NCKAP5: variants seen among roughly 807,000 people sequenced by gnomAD.
NCKAP5 encodes NCK associated protein 5, also known as nck-associated protein 5.
In NCKAP5, 92 loss-of-function variants were observed where a neutral mutation model predicts 167.0. That is an observed-to-expected ratio of 0.55 (90% confidence interval 0.47 to 0.66). The LOEUF (loss-of-function observed/expected upper bound fraction) is 0.66, where lower values mean the gene tolerates loss of function less well. NCKAP5 is among the 30% of genes least tolerant of loss of function. The pLI is 0.00. For missense variants in NCKAP5, 2,378 were observed against 2,315.0 expected, an observed-to-expected ratio of 1.03 and a Z score of -0.56; for synonymous variants, 891 against 877.4, an observed-to-expected ratio of 1.02 and a Z score of -0.27.
chr2:133,221,033 T>C (rs1462968575), intron 4 of NCKAP5, among the ~76,000 whole-genome samples: 1 of 150,500 alleles, frequency 6.6e-6, no homozygotes, highest in Non-Finnish European at 1.5e-5. Context: ...AAATACCCTA[T>C]ATATGCAACG....
intron 19 of NCKAP5, among the ~76,000 whole-genome samples, chr2:132,708,424 G>T (rs1180501874): frequency 6.6e-6 from 1 of 152,172 alleles, no homozygotes; most frequent in East Asian, 1.9e-4. Flanking sequence ...GGCAGTACTT[G>T]TCATGGGCCT....
intron 8 of NCKAP5, among the ~76,000 whole-genome samples, chr2:132,941,225 G>A (rs16843948): frequency 0.017 from 2,517 of 152,196 alleles, 89 homozygotes; most frequent in East Asian, 0.16. Flanking sequence ...ATGTATTCAG[G>A]GAAAGAAACA....
chr2:132,923,769 T>G (rs1295538788), intron 8 of NCKAP5, among the ~76,000 whole-genome samples: 4 of 152,146 alleles, frequency 2.6e-5, no homozygotes. Context: ...TAACTCTTAT[T>G]TGGTAGAAAA....
At chr2:132,980,997 G>A (rs1440389052) in intron 7 of NCKAP5, among the ~76,000 whole-genome samples, 5 of 152,136 alleles carry the variant, frequency 3.3e-5, no homozygotes, top group Admixed American at 3.3e-4. Context: ...CAAGGGATAG[G>A]CTTGGCCTTA....
At position 132,949,598 on chromosome 2, in the gene NCKAP5, C is replaced by G. The variant is rs550316396; in HGVS notation, c.579+14122G>C. On this transcript the variant is annotated intron_variant, in intron 8 of 19. Coordinates refer to ENST00000409261, the MANE Select transcript of NCKAP5 (RefSeq NM_207363.3). Reference sequence around the variant, plus strand: ...TGAAGCCCCCTCAGGGCATGGCATCCCCCTCCTTCTGAAACCTGTGAGAAT... The same window carrying G: ...TGAAGCCCCCTCAGGGCATGGCATCGCCCTCCTTCTGAAACCTGTGAGAAT... 3.9e-5 allele frequency among the ~76,000 whole-genome samples: 6 copies of G among 152,274 alleles called. No homozygotes were observed. In the East Asian group the frequency reaches 9.7e-4, roughly 25 times the overall value.
chr2:132,928,687 T>C, intron 8 of NCKAP5, among the ~76,000 whole-genome samples: 1 of 152,190 alleles, frequency 6.6e-6, no homozygotes, highest in East Asian at 1.9e-4. Context: ...ATACACGAAT[T>C]TGAACATAAC....
At chr2:133,615,652 A>C in the NCKAP5 span, among the ~76,000 whole-genome samples, 2 of 152,194 alleles carry the variant, frequency 1.3e-5, no homozygotes, top group African/African-American at 4.8e-5. Flanking sequence ...TTCATAAAGC[A>C]ATTCCTGAGT....
At chr2:132,744,347 A>G (rs943303580) in intron 16 of NCKAP5, among the ~76,000 whole-genome samples, 1 of 151,752 alleles carries the variant, frequency 6.6e-6, no homozygotes, top group Non-Finnish European at 1.5e-5. Flanking sequence ...TCAGAGAATT[A>G]AAAGAGAAGT....
intron 6 of NCKAP5, among the ~76,000 whole-genome samples, chr2:133,097,031 C>A (rs2081365335): frequency 6.6e-6 from 1 of 152,170 alleles, no homozygotes; most frequent in Non-Finnish European, 1.5e-5. Context: ...TCTAGCTGGG[C>A]ACCTGACCAC....
intron 19 of NCKAP5, among the ~76,000 whole-genome samples, chr2:132,690,851 T>C (rs1573881902): frequency 6.6e-6 from 1 of 152,134 alleles, no homozygotes; most frequent in Admixed American, 6.5e-5. Context: ...TCTCCCTCAC[T>C]GCTCTAACTT....
the NCKAP5 span, among the ~76,000 whole-genome samples, chr2:133,605,228 C>T: frequency 6.6e-6 from 1 of 152,134 alleles, no homozygotes; most frequent in Non-Finnish European, 1.5e-5. Context: ...CATATAACGG[C>T]CTCCTTGCTC....
intron 8 of NCKAP5, among the ~76,000 whole-genome samples, chr2:132,912,228 T>A (rs1290146245): frequency 1.3e-5 from 2 of 152,180 alleles, no homozygotes; most frequent in East Asian, 3.9e-4. Context: ...TCTCGCTCTC[T>A]GTGGCACAGT....
intron 4 of NCKAP5, among the ~76,000 whole-genome samples, chr2:133,253,695 A>C (rs1397246961): frequency 6.6e-6 from 1 of 152,212 alleles, no homozygotes; most frequent in Non-Finnish European, 1.5e-5. Context: ...TCCTAGTCTC[A>C]GTTTCCTTAT....
intron 5 of NCKAP5, among the ~76,000 whole-genome samples, chr2:133,130,892 G>A (rs552913134): frequency 4.6e-5 from 7 of 152,274 alleles, no homozygotes; most frequent in East Asian, 1.9e-4. Context: ...ATGCCATGCT[G>A]TTATTGTTAC....
chr2:132,970,309 T>C (rs144393489), intron 7 of NCKAP5, among the ~76,000 whole-genome samples: 10 of 152,082 alleles, frequency 6.6e-5, no homozygotes, highest in African/African-American at 2.2e-4. Flanking sequence ...GACAGAGAGG[T>C]CAAAAATGTG....
At chr2:132,845,442 T>C (rs1558849674) in intron 11 of NCKAP5, among the ~76,000 whole-genome samples, 1 of 152,188 alleles carries the variant, frequency 6.6e-6, no homozygotes, top group Non-Finnish European at 1.5e-5. Flanking sequence ...ATTTAGGGTA[T>C]TAACCCATGT....
intron 7 of NCKAP5, among the ~76,000 whole-genome samples, chr2:132,983,290 AC>A (rs2149273760): frequency 6.6e-6 from 1 of 152,264 alleles, no homozygotes; most frequent in Non-Finnish European, 1.5e-5. Context: ...CTGTTTGGAT[AC>A]CTTTTATTTC....
At chr2:133,612,702 T>C in the NCKAP5 span, among the ~76,000 whole-genome samples, 1 of 152,176 alleles carries the variant, frequency 6.6e-6, no homozygotes, top group African/African-American at 2.4e-5. Flanking sequence ...GCTTAAAAAA[T>C]AGATGTAAAG....
At chr2:132,941,810 C>T (rs1245306768) in intron 8 of NCKAP5, among the ~76,000 whole-genome samples, 1 of 152,118 alleles carries the variant, frequency 6.6e-6, no homozygotes, top group East Asian at 1.9e-4. Context: ...TGTATACAAA[C>T]ATTTTCTGGT....
Sources: allele counts gnomAD v4.1 joint callset (sites outside exome capture counted in the v4.1 genomes callset), GRCh38; gene constraint gnomAD v4.1.1; transcripts MANE v1.5; gene names NCBI Gene and HGNC (gene_info 2026-07-23, HGNC 2026-07-21).